Variants in TCF7L2 observed in about 807,000 individuals in gnomAD.
TCF7L2 encodes transcription factor 7 like 2.
TCF7L2 carries 23 observed loss-of-function variants against 77.9 expected under a neutral mutation model. The observed-to-expected ratio is 0.30, with a 90% CI of 0.21 to 0.42. TCF7L2 has a LOEUF of 0.42. Among genes scored for constraint, TCF7L2 ranks in the 10% least tolerant of loss-of-function variants. The pLI, the probability that TCF7L2 is intolerant of heterozygous loss-of-function variation, is 1.00. For missense variants in TCF7L2, 654 were observed against 793.1 expected (o/e 0.82, Z 2.11); for synonymous variants, 413 against 340.2 (o/e 1.21, Z -2.36).
At chr10:113,101,915 G>GTC (rs2061689909) in intron 5 of TCF7L2, among the ~76,000 whole-genome samples, 1 of 149,264 alleles carries the variant, frequency 6.7e-6, no homozygotes, top group Non-Finnish European at 1.5e-5. Flanking sequence ...AAGGCGGGTG[G>GTC]ATTGCCTGAG....
chr10:113,100,523 G>C (rs1354854179), intron 5 of TCF7L2, among the ~76,000 whole-genome samples: 1 of 152,000 alleles, frequency 6.6e-6, no homozygotes. Flanking sequence ...GCATGTTAGG[G>C]CACTAAAAGA....
intron 5 of TCF7L2, among the ~76,000 whole-genome samples, chr10:113,124,786 C>T (rs1402656021): frequency 6.6e-6 from 1 of 151,414 alleles, no homozygotes; most frequent in African/African-American, 2.4e-5. Context: ...GGGCTGATTG[C>T]GCAGTTCGTT....
At chr10:113,152,298 A>G in intron 10 of TCF7L2, 35 bp from the exon 11 acceptor site, 1 of 1,540,878 alleles carries the variant, frequency 6.5e-7, no homozygotes, top group Non-Finnish European at 9.0e-7. Context: ...CTCTTTGTTC[A>G]TGTCTTTCTC....
At chr10:112,950,967 G>T (rs1305379084) in intron 1 of TCF7L2, 22 bp downstream of exon 1, 10 of 1,596,808 alleles carry the variant, frequency 6.3e-6, no homozygotes, top group Non-Finnish European at 8.5e-6. Flanking sequence ...CCCTCGGGCT[G>T]GTGGGGTTTT....
At chr10:113,142,559 G>A (rs1204069073) in intron 6 of TCF7L2, among the ~76,000 whole-genome samples, 1 of 152,194 alleles carries the variant, frequency 6.6e-6, no homozygotes, top group Admixed American at 6.5e-5. Context: ...TGTTAGAGGG[G>A]ATTGGTAGTG....
rs140330059 is a variant in TCF7L2 at position 113,166,431 on chromosome 10, C to T, written c.*459C>T. The T allele has an allele frequency of 1.3e-5, 3 of 224,868 alleles. No homozygotes were observed. The highest frequency in any genetic ancestry group is 2.6e-5 in the Non-Finnish European group (3 of 114,878). The allele number at this position is 224,868 out of a possible 1,614,324, so 13.9% of individuals were successfully genotyped here. A position where few individuals can be genotyped will look rare whatever the true frequency, so the allele number is the denominator to read the frequency against. ...ATCTGGTTTTTAAACCGTAAGGGCA[C>T]CATGAATGCAGTGCCGTTACTTTTT... On this transcript the variant is annotated 3_prime_UTR_variant, in exon 14 of 14. Transcript: ENST00000627217.
intron 5 of TCF7L2, among the ~76,000 whole-genome samples, chr10:113,063,893 C>CGTGTGTGTGTGTGT (rs34087825): frequency 3.4e-5 from 5 of 147,160 alleles, no homozygotes; most frequent in African/African-American, 7.6e-5. Context: ...ATGGATGTGG[C>CGTGTGTGTGTGTGT]GTGTGTGTGT....
chr10:113,017,832 T>C (rs977059182), intron 4 of TCF7L2, among the ~76,000 whole-genome samples: 1 of 152,244 alleles, frequency 6.6e-6, no homozygotes, highest in African/African-American at 2.4e-5. Context: ...TTACTTTTCA[T>C]AGCAGCACTG....
chr10:113,011,029 TTAG>T (rs1331972947), intron 4 of TCF7L2, among the ~76,000 whole-genome samples: 1 of 151,702 alleles, frequency 6.6e-6, no homozygotes, highest in Non-Finnish European at 1.5e-5. Flanking sequence ...AAAAAGGAAA[TTAG>T]TGGTGGAAGG....
At chr10:112,959,818 C>T (rs1031715782) in intron 3 of TCF7L2, among the ~76,000 whole-genome samples, 1 of 151,930 alleles carries the variant, frequency 6.6e-6, no homozygotes, top group South Asian at 2.1e-4. Flanking sequence ...TGTGGTTGCT[C>T]AAATGACTAA....
At chr10:113,139,811 TAAA>T (rs34407643) in intron 5 of TCF7L2, among the ~76,000 whole-genome samples, 60,496 of 138,274 alleles carry the variant, frequency 0.44, 14,851 homozygotes, top group African/African-American at 0.68. Flanking sequence ...CTCACCCATT[TAAA>T]AAAAAAAAAA....
chr10:113,081,881 A>G (rs2059347625), intron 5 of TCF7L2, among the ~76,000 whole-genome samples: 1 of 152,206 alleles, frequency 6.6e-6, no homozygotes. Context: ...GGCTGCGCCC[A>G]GGCTGGAGTG....
chr10:113,056,683 G>A (rs2055434405), intron 5 of TCF7L2, among the ~76,000 whole-genome samples: 1 of 152,210 alleles, frequency 6.6e-6, no homozygotes, highest in Admixed American at 6.5e-5. Context: ...AGTACACTGA[G>A]ATTTCTACCA....
At chr10:112,993,088 C>G (rs1266680368) in intron 4 of TCF7L2, among the ~76,000 whole-genome samples, 1 of 152,108 alleles carries the variant, frequency 6.6e-6, no homozygotes, top group Non-Finnish European at 1.5e-5. Flanking sequence ...TAACGTCCCC[C>G]TGACTTTTCT....
At chr10:113,083,689 A>G (rs2059547540) in intron 5 of TCF7L2, among the ~76,000 whole-genome samples, 1 of 152,126 alleles carries the variant, frequency 6.6e-6, no homozygotes, top group African/African-American at 2.4e-5. Flanking sequence ...GTTTTTTGGC[A>G]TCCTTGTGTG....
intron 4 of TCF7L2, among the ~76,000 whole-genome samples, chr10:112,975,313 C>G (rs2039189488): frequency 6.6e-6 from 1 of 152,008 alleles, no homozygotes; most frequent in African/African-American, 2.4e-5. Flanking sequence ...GAGGCTCGGT[C>G]TGGAAACTGG....
At chr10:112,981,655 A>G (rs1207642579) in intron 4 of TCF7L2, among the ~76,000 whole-genome samples, 7 of 152,242 alleles carry the variant, frequency 4.6e-5, no homozygotes, top group African/African-American at 1.7e-4. Context: ...GACGGGAACC[A>G]ATGATGTGAC....
chr10:112,969,207 C>T (rs1242678234), intron 4 of TCF7L2, among the ~76,000 whole-genome samples: 3 of 152,192 alleles, frequency 2.0e-5, no homozygotes, highest in African/African-American at 7.2e-5. Flanking sequence ...ATTAGTTTTA[C>T]CTGTTTTTTG....
intron 13 of TCF7L2, among the ~76,000 whole-genome samples, 161 bp from the exon 15 acceptor site, chr10:113,165,394 C>T (rs1026890424): frequency 6.6e-6 from 1 of 152,040 alleles, no homozygotes; most frequent in Non-Finnish European, 1.5e-5. Flanking sequence ...GTAAGCGACC[C>T]ACCCTGGGGG....
Sources: allele counts gnomAD v4.1 joint callset (sites outside exome capture counted in the v4.1 genomes callset), GRCh38; gene constraint gnomAD v4.1.1; transcripts MANE v1.5; gene names NCBI Gene and HGNC (gene_info 2026-07-23, HGNC 2026-07-21).